Variants in LURAP1 observed in about 807,000 individuals in gnomAD.
LURAP1 encodes the protein leucine rich adaptor protein 1.
Under a neutral mutation model 19.0 loss-of-function variants are expected in LURAP1, and 14 were observed. That is an observed-to-expected ratio of 0.74 (90% CI 0.49 to 1.15). The LOEUF is 1.15. Among genes scored for constraint, LURAP1 ranks in the 50% most tolerant of loss-of-function variants. The pLI is 0.00. For synonymous variants in LURAP1, 129 were observed against 131.8 expected, an observed-to-expected ratio of 0.98 and a Z score of 0.14; for missense variants, 273 against 309.1, an observed-to-expected ratio of 0.88 and a Z score of 0.87.
chr1:46,205,367 C>T (rs1338734177), intron 1 of LURAP1, among the ~76,000 whole-genome samples: 4 of 152,074 alleles, frequency 2.6e-5, no homozygotes, highest in South Asian at 2.1e-4. Context: ...CCCAACATCA[C>T]GCAAAAAGCA....
In LURAP1 at chr1:46,219,772, G is replaced by T. The variant is rs529637681; in HGVS notation, c.272G>T (p.Arg91Leu). The change falls in exon 2 of 2, where the codon CGC (arginine) becomes CTC (leucine). Residue 91 changes from arginine (R) to leucine (L), a missense_variant. Arg to Leu is a moderately radical substitution (Grantham distance 102). Transcript: ENST00000371980. ...TTGAATGAGGGCATCGAGGCAGTGC[G>T]CTGGCTGTTGGAGGAGCGGGGGACG... Reference protein sequence around the residue: ...VTLNEGIEAVRWLLEERGTLT... With the variant: ...VTLNEGIEAVLWLLEERGTLT... The T allele has an allele frequency of 2.5e-6, 4 of 1,614,008 alleles. 1 individual carries two copies. In the South Asian group the frequency reaches 3.3e-5, roughly 13 times the overall value.
At chr1:46,210,264 CTG>C (rs558204802) in intron 1 of LURAP1, among the ~76,000 whole-genome samples, 3 of 152,006 alleles carry the variant, frequency 2.0e-5, no homozygotes, top group Middle Eastern at 3.2e-3. Flanking sequence ...AAACCCTAAA[CTG>C]TGTGTGTGTG....
chr1:46,213,335 A>G (rs1394445424), intron 1 of LURAP1, among the ~76,000 whole-genome samples: 1 of 150,672 alleles, frequency 6.6e-6, no homozygotes, highest in African/African-American at 2.4e-5. Context: ...TTGTGCTGGG[A>G]CATTTTGTTT....
At chr1:46,219,644 G>C in intron 1 of LURAP1, 55 bp from the exon 2 acceptor site, 1 of 1,506,646 alleles carries the variant, frequency 6.6e-7, no homozygotes, top group East Asian at 2.3e-5. Flanking sequence ...CTGTGGAAAC[G>C]CTGGGGAAAC....
rs748260520 is a variant in LURAP1 at position 46,203,423 on chromosome 1, C to A, written c.-4C>A. On this transcript the variant is annotated 5_prime_UTR_variant, in exon 1 of 2. Coordinates refer to ENST00000371980, the MANE Select transcript of LURAP1 (RefSeq NM_001013615.3). ...CGCCCAGCCCTTTTCAGGCTTGGGC[C>A]CGCATGGAGGGGACCGTGGAGTCCC... 17 of 1,453,518 alleles carry A rather than the reference C, an allele frequency of 1.2e-5. No individual in the cohort carries two copies. Among genetic ancestry groups the A allele is most frequent in the Non-Finnish European group, 1.5e-5 (16 of 1,101,370 alleles). The allele number at this position is 1,453,518 out of a possible 1,614,324, so 90.0% of individuals were successfully genotyped here.
intron 1 of LURAP1, among the ~76,000 whole-genome samples, chr1:46,216,890 A>G (rs1659087534): frequency 6.6e-6 from 1 of 152,188 alleles, no homozygotes; most frequent in Non-Finnish European, 1.5e-5. Flanking sequence ...AACATGCAGT[A>G]TTTGGTTTTC....
At chr1:46,215,204 C>G (rs926723333) in intron 1 of LURAP1, among the ~76,000 whole-genome samples, 1 of 133,620 alleles carries the variant, frequency 7.5e-6, no homozygotes. Context: ...CTAGCCTGGG[C>G]GACACAACAA....
chr1:46,214,075 G>A (rs576914566), intron 1 of LURAP1, among the ~76,000 whole-genome samples: 1 of 152,126 alleles, frequency 6.6e-6, no homozygotes, highest in African/African-American at 2.4e-5. Flanking sequence ...GCCGGGCATG[G>A]TGGCTCAGGC....
Position 46,203,385 on chromosome 1 carries a change from C to G in LURAP1, c.-42C>G. On this transcript the variant is annotated 5_prime_UTR_variant, in exon 1 of 2. Coordinates refer to ENST00000371980, the MANE Select transcript of LURAP1 (RefSeq NM_001013615.3). ...AAGGGAGGACCCCCGGGAGCCGGTC[C>G]CCGGCGTCCGGTCGCCCAGCCCTTT... The G allele has an allele frequency of 7.0e-7, 1 of 1,433,356 alleles. No homozygotes were observed. The highest frequency in any genetic ancestry group is 9.2e-7 in the Non-Finnish European group (1 of 1,089,466). The allele number at this position is 1,433,356 out of a possible 1,614,324, so 88.8% of individuals were successfully genotyped here.
At chr1:46,203,761 C>A in intron 1 of LURAP1, 137 bp downstream of exon 1, 1 of 793,722 alleles carries the variant, frequency 1.3e-6, no homozygotes, top group Non-Finnish European at 1.9e-6. Context: ...CCTCCCAGAT[C>A]AATCCGTAAA....
intron 1 of LURAP1, among the ~76,000 whole-genome samples, chr1:46,205,463 T>C (rs1388963240): frequency 6.6e-6 from 1 of 152,240 alleles, no homozygotes; most frequent in Non-Finnish European, 1.5e-5. Context: ...CTGAACATTT[T>C]ATGTCATTGA....
intron 1 of LURAP1, among the ~76,000 whole-genome samples, chr1:46,215,644 A>T (rs933910209): frequency 2.6e-5 from 4 of 152,236 alleles, no homozygotes; most frequent in Admixed American, 6.5e-5. Flanking sequence ...CATGCCTCTA[A>T]TCCCAGCACT....
chr1:46,210,227 T>G (rs138200184), intron 1 of LURAP1, among the ~76,000 whole-genome samples: 2 of 152,360 alleles, frequency 1.3e-5, no homozygotes, highest in African/African-American at 4.8e-5. Context: ...TAAAATTTTT[T>G]TCTATGCTTT....
intron 1 of LURAP1, among the ~76,000 whole-genome samples, chr1:46,204,002 G>GT (rs1053506366): frequency 6.6e-6 from 1 of 152,162 alleles, no homozygotes; most frequent in African/African-American, 2.4e-5. Context: ...AAGGCAACCG[G>GT]TTTTTTCTCC....
At chr1:46,216,136 C>T (rs2148251657) in intron 1 of LURAP1, among the ~76,000 whole-genome samples, 2 of 150,570 alleles carry the variant, frequency 1.3e-5, no homozygotes, top group East Asian at 3.9e-4. Context: ...AGGCTCCGCC[C>T]CCCAGGTTCA....
At chr1:46,219,185 A>G (rs541863179) in intron 1 of LURAP1, among the ~76,000 whole-genome samples, 1 of 152,064 alleles carries the variant, frequency 6.6e-6, no homozygotes, top group East Asian at 1.9e-4. Flanking sequence ...ATCCCAGCTA[A>G]TTGGGAGACT....
At position 46,207,389 on chromosome 1, in the gene LURAP1, C is replaced by T. The variant is rs150646841; in HGVS notation, c.198+3765C>T. Among the ~76,000 whole-genome samples, 242 of 151,386 alleles carry T rather than the reference C, an allele frequency of 1.6e-3. 1 individual carries two copies. The highest frequency in any genetic ancestry group is 2.3e-3 in the Non-Finnish European group (156 of 67,776). ...GCCACTGCGCCCATCCTAGCTGAGT[C>T]CTTCTTAACCTTAAATTTTCAGCTC... On this transcript the variant is annotated intron_variant, in intron 1 of 1. Coordinates refer to ENST00000371980, the MANE Select transcript of LURAP1 (RefSeq NM_001013615.3).
chr1:46,209,102 G>A (rs780008973), intron 1 of LURAP1, among the ~76,000 whole-genome samples: 3 of 151,870 alleles, frequency 2.0e-5, no homozygotes, highest in Non-Finnish European at 4.4e-5. Flanking sequence ...TTGGCTCACC[G>A]CAACCTCCGC....
At chr1:46,219,609 G>A in intron 1 of LURAP1, 90 bp from the exon 2 acceptor site, 1 of 1,377,142 alleles carries the variant, frequency 7.3e-7, no homozygotes. Flanking sequence ...GTGAAACATG[G>A]TTGGCTGAAC....
Sources: gnomAD v4.1 joint callset for allele counts (sites outside exome capture counted in the v4.1 genomes callset) on GRCh38, gnomAD v4.1.1 for gene constraint, MANE v1.5 for transcripts, NCBI Gene and HGNC (gene_info 2026-07-23, HGNC 2026-07-21) for gene names.